Variants in PHC1 observed in about 807,000 individuals in gnomAD.
The protein encoded by PHC1 is polyhomeotic-like protein 1.
A neutral mutation model predicts 104.3 loss-of-function variants in PHC1; 12 were observed. The ratio of observed to expected loss-of-function variants is 0.12; its 90% CI spans 0.07 to 0.19. The LOEUF (loss-of-function observed/expected upper bound fraction) is 0.19. Among genes scored for constraint, PHC1 ranks in the 10% least tolerant of loss-of-function variants. PHC1 has a pLI of 1.00. For synonymous variants in PHC1, 302 were observed against 455.8 expected (o/e 0.66, Z 4.30); for missense variants, 671 against 1,200.0 (o/e 0.56, Z 6.51).
Position 8,934,454 on chromosome 12 carries a change from C to T in PHC1, c.2229C>T (p.Ile743=). The change falls in exon 10 of 15, where the codon ATC becomes ATT. Residue 743 remains isoleucine, a synonymous_variant. Transcript: ENST00000544916. ...ILTHIIEGFV[I]QEGAEPFPVG... The stretch of plus-strand genomic sequence containing the variant: ...CCCACATCATTGAAGGCTTTGTTAT[C>T]CAGGAAGGAGCAGAACCTTTCCCGG... 6.2e-7 allele frequency: 1 copy of T among 1,613,428 alleles called. No individual in the cohort carries two copies. The highest frequency in any genetic ancestry group is 8.5e-7 in the Non-Finnish European group (1 of 1,179,540).
rs1376835514 is a variant in PHC1, at chr12:8,915,915, A to G, written c.-49+1088A>G. ...GGGGTCATACGGTTTGTATTTTCAC[A>G]TGTGAATGTAGGAATTATGTTCTCT... On this transcript the variant is annotated intron_variant, in intron 1 of 14. Transcript: ENST00000544916. The G allele has an allele frequency of 4.5e-5, 7 of 154,494 alleles. No individual in the cohort carries two copies. In the East Asian group the frequency reaches 1.3e-3, roughly 30 times the overall value. The allele number at this position is 154,494 out of a possible 1,614,324, so 9.6% of individuals were successfully genotyped here.
At chr12:8,939,070 C>T (rs1945931892) in intron 14 of PHC1, among the ~76,000 whole-genome samples, 3 of 152,174 alleles carry the variant, frequency 2.0e-5, no homozygotes, top group Admixed American at 2.0e-4. Context: ...AAGTGATCTG[C>T]CTGCCCTGGT....
intron 5 of PHC1, 60 bp downstream of exon 5, chr12:8,921,810 A>G: frequency 6.8e-7 from 1 of 1,475,230 alleles, no homozygotes. Context: ...CCTGGCAAAG[A>G]CTTGAGTGAA....
chr12:8,939,324 G>C lies in PHC1; in HGVS notation c.2880G>C (p.Glu960Asp). 2 of 1,614,028 alleles carry C rather than the reference G, an allele frequency of 1.2e-6. No homozygotes were observed. The highest frequency in any genetic ancestry group is 2.7e-5 in the African/African-American group (2 of 75,012). The change falls in exon 15 of 15, where the codon GAG (glutamate) becomes GAC (aspartate). Residue 960 changes from glutamate (E) to aspartate (D), a missense_variant. Glu to Asp is a conservative substitution (Grantham distance 45, BLOSUM62 2). Coordinates refer to ENST00000544916, the MANE Select transcript of PHC1 (RefSeq NM_004426.3). ...ASLQGCQEIA[E>D]EFRSQEIDGQ... Reference sequence around the variant, plus strand: ...TTCTAGGCTGCCAAGAGATTGCAGAGGAATTTCGCTCACAGGAGATTGATG... The same window carrying C: ...TTCTAGGCTGCCAAGAGATTGCAGACGAATTTCGCTCACAGGAGATTGATG...
chr12:8,937,038 G>A (rs113012327), intron 12 of PHC1, 74 bp downstream of exon 12: 249 of 1,381,096 alleles, frequency 1.8e-4, no homozygotes, highest in Middle Eastern at 1.6e-3. Flanking sequence ...CCCCAGGATC[G>A]TCTCATAGCT....
intron 2 of PHC1, 121 bp downstream of exon 2, chr12:8,917,912 G>T (rs1945247554): frequency 4.9e-6 from 3 of 613,418 alleles, no homozygotes; most frequent in Non-Finnish European, 5.7e-6. Flanking sequence ...GTTAGATGAT[G>T]ACTAAGCTGT....
Position 8,936,872 on chromosome 12 carries a change from G to A in PHC1, c.2385G>A (p.Ala795=), listed in dbSNP as rs773111654. 2 of 1,609,548 alleles carry A rather than the reference G, an allele frequency of 1.2e-6. No homozygotes were observed. Among genetic ancestry groups the A allele is most frequent in the Non-Finnish European group, 8.5e-7 (1 of 1,176,280 alleles). The change falls in exon 12 of 15, where the codon GCG becomes GCA. Residue 795 remains alanine (A), a synonymous_variant. Transcript: ENST00000544916. The part of the protein sequence containing the change: ...DSPSAELDKK[A]NLLKCEYCGK... ...GTTTTTTAGAGTTAGATAAGAAGGCGAATCTCCTGAAGTGCGAGTACTGTG... is the reference window on the plus strand; with the variant it reads ...GTTTTTTAGAGTTAGATAAGAAGGCAAATCTCCTGAAGTGCGAGTACTGTG...
rs1170092677 is a variant in PHC1 at position 8,938,171 on chromosome 12, T to TA, written c.2860+113dup. 22 of 692,762 alleles carry TA rather than the reference T, an allele frequency of 3.2e-5. No individual in the cohort carries two copies. The African/African-American group carries it at 3.6e-4, about 11-fold the overall frequency. 42.9% of individuals were successfully genotyped at this position (692,762 alleles called of 1,614,324 possible). A position where few individuals can be genotyped will look rare whatever the true frequency, so the allele number is the denominator to read the frequency against. ...TTTTAAGCAGTAGGAGCTTGAATGC[T>TA]AATATAGAGGCTCTACTCCTAATAT... On this transcript the variant is annotated intron_variant, in intron 14 of 14. Transcript: ENST00000544916.
intron 9 of PHC1, 90 bp downstream of exon 9, chr12:8,934,102 A>C: frequency 6.8e-7 from 1 of 1,470,306 alleles, no homozygotes; most frequent in Non-Finnish European, 9.4e-7. Context: ...TTGAGTAGAA[A>C]ATGGGCCAGA....
chr12:8,928,579 A>C (rs113679076), intron 6 of PHC1, among the ~76,000 whole-genome samples: 25 of 152,092 alleles, frequency 1.6e-4, no homozygotes, highest in Admixed American at 2.6e-4. Flanking sequence ...GCATCTCTCT[A>C]TGTTTCTAAA....
At chr12:8,933,533 T>C in intron 8 of PHC1, 183 bp downstream of exon 8, 1 of 852,968 alleles carries the variant, frequency 1.2e-6, no homozygotes, top group East Asian at 2.7e-5. Context: ...CTCCTAAATT[T>C]GTTGCTGATA....
rs1945663031 is a variant in PHC1 at position 8,930,847 on chromosome 12, A to G, written c.1025A>G (p.Asp342Gly). ...GCAGCAGCCAAGAAGGCAGAAGCAG[A>G]TGGGAGTGGCCAGCAGAATGTGGGC... ...ESAAAKKAEA[D>G]GSGQQNVGMN... Residue 342 changes from aspartate (D) to glycine (G), a missense_variant, in exon 7 of 15, where the codon GAT (aspartate) becomes GGT (glycine). Around this residue, in one of 9 missense-constraint regions of PHC1, gnomAD observed 78 missense variants for 140.8 expected, o/e 0.55. Transcript: ENST00000544916. 2.0e-6 allele frequency: 3 copies of G among 1,522,522 alleles called. No homozygotes were observed. Among genetic ancestry groups the G allele is most frequent in the Non-Finnish European group, 2.7e-6 (3 of 1,131,338 alleles). 94.3% of individuals were successfully genotyped at this position (1,522,522 alleles called of 1,614,324 possible).
chr12:8,935,768 AT>A (rs200893598), intron 11 of PHC1, among the ~76,000 whole-genome samples: 2,961 of 151,048 alleles, frequency 0.02, 97 homozygotes, highest in African/African-American at 0.067. Flanking sequence ...TATTATTATT[AT>A]TTTTTTTTGA....
At chr12:8,923,843 A>AG (rs1452433498) in intron 6 of PHC1, among the ~76,000 whole-genome samples, 54 of 151,762 alleles carry the variant, frequency 3.6e-4, no homozygotes, top group Admixed American at 1.8e-3. Flanking sequence ...AAAAAAAAAA[A>AG]AAAGAAAATA....
intron 6 of PHC1, among the ~76,000 whole-genome samples, chr12:8,925,086 G>A (rs958936540): frequency 6.6e-6 from 1 of 152,120 alleles, no homozygotes; most frequent in Non-Finnish European, 1.5e-5. Context: ...AGGAACAGAG[G>A]GCAGTAGTTA....
intron 14 of PHC1, 34 bp from the exon 15 acceptor site, chr12:8,939,271 G>C (rs1288406439): frequency 3.7e-6 from 6 of 1,613,022 alleles, no homozygotes; most frequent in Non-Finnish European, 5.1e-6. Context: ...CCTATCATCT[G>C]GCATTACCTA....
intron 2 of PHC1, among the ~76,000 whole-genome samples, chr12:8,918,210 G>T (rs74060231): frequency 0.011 from 1,718 of 152,092 alleles, 32 homozygotes; most frequent in African/African-American, 0.038. Flanking sequence ...CAAATATTTT[G>T]GTTACTAGAA....
Position 8,938,029 on chromosome 12 carries a change from G to A in PHC1, c.2829G>A (p.Glu943=), listed in dbSNP as rs1225708991. 3.1e-6 allele frequency: 5 copies of A among 1,606,328 alleles called. No individual in the cohort carries two copies. Among genetic ancestry groups the A allele is most frequent in the African/African-American group, 1.3e-5 (1 of 74,314 alleles). Residue 943 remains glutamate, a synonymous_variant, in exon 14 of 15, where the codon GAG becomes GAA. Transcript: ENST00000544916. ...GTAATCCCAGCCGTTGGAGTGTAGAGGAGGTGTACGAGTTTATTGCTTCTC... is the reference window on the plus strand; with the variant it reads ...GTAATCCCAGCCGTTGGAGTGTAGAAGAGGTGTACGAGTTTATTGCTTCTC... The part of the protein sequence containing the change: ...LSSNPSRWSV[E]EVYEFIASLQ...
rs1395254916 is a variant in PHC1 at position 8,920,989 on chromosome 12, C to G, written c.230C>G (p.Thr77Arg). The stretch of plus-strand genomic sequence containing the variant: ...GTTTCCCTTCCCCTTTAATAGGCCA[C>G]AATTGCTGCCAGTCGGCAGGCCAGC... ...LHSLAAVQQATIAASRQASSP... is the reference protein window; with the variant it reads ...LHSLAAVQQARIAASRQASSP... Residue 77 changes from threonine to arginine, a missense_variant, in exon 4 of 15, where the codon ACA becomes AGA. By Grantham distance (71) the Thr-to-Arg change is moderately conservative. Around this residue, in one of 9 missense-constraint regions of PHC1, gnomAD observed 237 missense variants for 331.1 expected, o/e 0.72. Transcript: ENST00000544916. 1.2e-5 allele frequency: 19 copies of G among 1,611,654 alleles called. No individual in the cohort carries two copies. The highest frequency in any genetic ancestry group is 1.5e-5 in the Non-Finnish European group (18 of 1,178,928).
Sources: gnomAD v4.1 joint callset for allele counts (sites outside exome capture counted in the v4.1 genomes callset) on GRCh38, gnomAD v4.1.1 for gene constraint, gnomAD v4.1.1 regional missense constraint, MANE v1.5 for transcripts, NCBI Gene and HGNC (gene_info 2026-07-23, HGNC 2026-07-21) for gene names.